Variants in SPAG16 observed in about 807,000 individuals in gnomAD.
The protein encoded by SPAG16 is sperm associated antigen 16.
In SPAG16, 86 loss-of-function variants were observed where a neutral mutation model predicts 80.4. That is an observed-to-expected ratio of 1.07 (90% confidence interval 0.90 to 1.28). SPAG16 has a LOEUF of 1.28. SPAG16 is among the 50% of genes most tolerant of loss of function. The probability of loss-of-function intolerance (pLI) is 0.00; values close to 1 mark genes in which losing one functional copy is unlikely to be tolerated. For synonymous variants in SPAG16, 294 were observed against 265.9 expected (o/e 1.11, Z -1.03); for missense variants, 870 against 765.3 (o/e 1.14, Z -1.61).
chr2:214,176,665 A>G (rs914814935), intron 15 of SPAG16, among the ~76,000 whole-genome samples: 3 of 151,238 alleles, frequency 2.0e-5, no homozygotes, highest in African/African-American at 2.4e-5. Flanking sequence ...CGGTAAGACA[A>G]TCTTCCCCTG....
chr2:213,703,853 G>C (rs2065617240), intron 10 of SPAG16, among the ~76,000 whole-genome samples: 1 of 152,206 alleles, frequency 6.6e-6, no homozygotes, highest in Non-Finnish European at 1.5e-5. Context: ...GATCTGCATT[G>C]CAGTCTGGCA....
intron 15 of SPAG16, among the ~76,000 whole-genome samples, chr2:214,272,730 T>G (rs189136472): frequency 7.9e-5 from 12 of 152,310 alleles, no homozygotes; most frequent in African/African-American, 2.4e-4. Flanking sequence ...TTTGCTATCG[T>G]GAATAGTGCT....
intron 15 of SPAG16, among the ~76,000 whole-genome samples, chr2:214,380,707 C>T (rs1253220767): frequency 6.6e-6 from 1 of 152,094 alleles, no homozygotes; most frequent in Non-Finnish European, 1.5e-5. Context: ...CGTTTTTTCA[C>T]GGCAGTTGTG....
At chr2:214,127,751 C>T (rs1323592895) in intron 14 of SPAG16, among the ~76,000 whole-genome samples, 1 of 151,868 alleles carries the variant, frequency 6.6e-6, no homozygotes, top group Non-Finnish European at 1.5e-5. Context: ...CACCACACAC[C>T]CTCACCCGGC....
chr2:213,692,667 C>G (rs1032266375), intron 10 of SPAG16, among the ~76,000 whole-genome samples: 3 of 151,800 alleles, frequency 2.0e-5, no homozygotes, highest in Non-Finnish European at 4.4e-5. Flanking sequence ...AAAATTAGCC[C>G]GCCATGGTGG....
At chr2:213,881,728 T>C (rs1222978613) in intron 11 of SPAG16, among the ~76,000 whole-genome samples, 1 of 152,208 alleles carries the variant, frequency 6.6e-6, no homozygotes, top group Non-Finnish European at 1.5e-5. Context: ...GCCCCCATGA[T>C]TCAATTATCT....
chr2:213,834,855 G>A (rs1269338959), intron 10 of SPAG16, among the ~76,000 whole-genome samples: 1 of 152,124 alleles, frequency 6.6e-6, no homozygotes, highest in Non-Finnish European at 1.5e-5. Flanking sequence ...TTCAGAAATA[G>A]TACCCTTTCA....
chr2:213,442,783 TAAATG>T (rs964440408), intron 9 of SPAG16, among the ~76,000 whole-genome samples: 4 of 152,114 alleles, frequency 2.6e-5, no homozygotes, highest in African/African-American at 9.7e-5. Flanking sequence ...ATCACAGACT[TAAATG>T]AAATTACTAA....
At chr2:213,877,924 T>G (rs1383990898) in intron 11 of SPAG16, among the ~76,000 whole-genome samples, 1 of 152,154 alleles carries the variant, frequency 6.6e-6, no homozygotes. Context: ...TATCTGTTAT[T>G]TATGGAAAGA....
At chr2:213,546,048 G>T (rs1351857130) in intron 10 of SPAG16, among the ~76,000 whole-genome samples, 1 of 151,998 alleles carries the variant, frequency 6.6e-6, no homozygotes, top group East Asian at 1.9e-4. Context: ...TTGAAATGGG[G>T]TCCAAGTGTT....
chr2:214,104,162 G>T (rs1267973727), intron 13 of SPAG16, among the ~76,000 whole-genome samples: 1 of 152,104 alleles, frequency 6.6e-6, no homozygotes, highest in African/African-American at 2.4e-5. Context: ...TCAGGTGCCA[G>T]AACTCTGCTT....
At chr2:213,350,451 A>C in intron 6 of SPAG16, 77 bp from the exon 7 acceptor site, 1 of 720,364 alleles carries the variant, frequency 1.4e-6, no homozygotes, top group Non-Finnish European at 2.2e-6. Flanking sequence ...AAAAGAAAAA[A>C]AGGTTTTGAT....
intron 12 of SPAG16, among the ~76,000 whole-genome samples, chr2:213,934,209 A>G (rs2078893926): frequency 6.6e-6 from 1 of 152,140 alleles, no homozygotes; most frequent in African/African-American, 2.4e-5. Context: ...CTAGTTTTTC[A>G]CTATTTGGAC....
At chr2:213,986,735 A>G (rs1034534259) in intron 12 of SPAG16, among the ~76,000 whole-genome samples, 1 of 151,860 alleles carries the variant, frequency 6.6e-6, no homozygotes, top group African/African-American at 2.4e-5. Context: ...GTTTTAAACT[A>G]TGCCTTATTA....
intron 10 of SPAG16, among the ~76,000 whole-genome samples, chr2:213,669,609 TA>T (rs1270910281): frequency 6.6e-6 from 1 of 152,248 alleles, no homozygotes. Flanking sequence ...TGAAAATCTT[TA>T]TATCCTTTAA....
intron 11 of SPAG16, among the ~76,000 whole-genome samples, chr2:213,878,063 A>T (rs1004713648): frequency 6.6e-6 from 1 of 152,256 alleles, no homozygotes; most frequent in Middle Eastern, 3.4e-3. Context: ...GATAGAATGG[A>T]TTCAGAATAC....
chr2:213,309,493 CT>C (rs2063091459), intron 3 of SPAG16, among the ~76,000 whole-genome samples: 1 of 151,936 alleles, frequency 6.6e-6, no homozygotes, highest in Non-Finnish European at 1.5e-5. Flanking sequence ...TCCATGCATT[CT>C]TTTTTTCTTT....
chr2:213,865,833 A>G (rs904274659), intron 11 of SPAG16, among the ~76,000 whole-genome samples: 8 of 148,182 alleles, frequency 5.4e-5, no homozygotes, highest in Non-Finnish European at 1.2e-4. Context: ...GATATCCTGG[A>G]AAACTGCTGA....
intron 10 of SPAG16, among the ~76,000 whole-genome samples, chr2:213,509,633 C>T (rs753333197): frequency 6.6e-4 from 101 of 152,044 alleles, no homozygotes; most frequent in Non-Finnish European, 1.0e-3. Flanking sequence ...AACAAAGACA[C>T]AACATACCAG....
Sources: allele counts gnomAD v4.1 joint callset (sites outside exome capture counted in the v4.1 genomes callset), GRCh38; gene constraint gnomAD v4.1.1; transcripts MANE v1.5; gene names NCBI Gene and HGNC (gene_info 2026-07-23, HGNC 2026-07-21).